Variants in PPP2R5E observed in about 807,000 individuals in gnomAD.
The protein encoded by PPP2R5E is protein phosphatase 2 regulatory subunit B'epsilon, also known as serine/threonine-protein phosphatase 2A 56 kDa regulatory subunit epsilon isoform.
A neutral mutation model predicts 65.3 loss-of-function variants in PPP2R5E; 4 were observed. That is an observed-to-expected ratio of 0.06 (90% CI 0.03 to 0.14). The LOEUF (loss-of-function observed/expected upper bound fraction) is 0.14, where lower values mean the gene tolerates loss of function less well. PPP2R5E is among the 10% of genes least tolerant of loss of function. The pLI is 1.00. For missense variants in PPP2R5E, 274 were observed against 556.1 expected, an observed-to-expected ratio of 0.49 and a Z score of 5.10; for synonymous variants, 183 against 187.4, an observed-to-expected ratio of 0.98 and a Z score of 0.19.
At chr14:63,397,921 G>T (rs927670637) in intron 5 of PPP2R5E, among the ~76,000 whole-genome samples, 3 of 152,006 alleles carry the variant, frequency 2.0e-5, no homozygotes, top group African/African-American at 7.3e-5. Flanking sequence ...CAGAGACAGG[G>T]TTTCACCATA....
At chr14:63,474,672 T>G (rs537147880) in intron 2 of PPP2R5E, among the ~76,000 whole-genome samples, 115 of 12,758 alleles carry the variant, frequency 9.0e-3, no homozygotes, top group Admixed American at 0.017. Flanking sequence ...ATACCCCATC[T>G]CAAAAAAAAA....
At chr14:63,508,553 C>A (rs894574392) in intron 2 of PPP2R5E, among the ~76,000 whole-genome samples, 1 of 152,174 alleles carries the variant, frequency 6.6e-6, no homozygotes, top group African/African-American at 2.4e-5. Flanking sequence ...TCTCAATATT[C>A]CCCTTTTTAC....
At chr14:63,542,300 T>C (rs1893933228) in intron 1 of PPP2R5E, among the ~76,000 whole-genome samples, 1 of 152,106 alleles carries the variant, frequency 6.6e-6, no homozygotes, top group African/African-American at 2.4e-5. Context: ...CGAAGCTTTA[T>C]CATCCTCTAA....
chr14:63,414,107 C>T (rs758089172), intron 5 of PPP2R5E, among the ~76,000 whole-genome samples: 36 of 152,126 alleles, frequency 2.4e-4, no homozygotes, highest in Non-Finnish European at 1.0e-4. Flanking sequence ...GGATTGAACC[C>T]TATGAAACTG....
At chr14:63,387,985 C>A (rs1884772246) in intron 11 of PPP2R5E, among the ~76,000 whole-genome samples, 1 of 152,214 alleles carries the variant, frequency 6.6e-6, no homozygotes, top group Admixed American at 6.5e-5. Context: ...AAACTTCTGG[C>A]CTCCAGGGCT....
rs151202298 is a variant in PPP2R5E, at chr14:63,459,229, C to T, written c.158-5344G>A. Among the ~76,000 whole-genome samples the T allele has an allele frequency of 9.4e-3, 1,433 of 152,298 alleles. 30 individuals are homozygous for T. Among genetic ancestry groups the T allele is most frequent in the African/African-American group, 0.033 (1,379 of 41,550 alleles). ...GATAGACTGAAGCTAGGTACACTAG[C>T]ATATGCGGTAAAATGCCTAATTACC... is the stretch of plus-strand genomic sequence containing the variant. On this transcript the variant is annotated intron_variant, in intron 2 of 13. Coordinates refer to ENST00000337537, the MANE Select transcript of PPP2R5E (RefSeq NM_006246.5).
At position 63,486,266 on chromosome 14, in the gene PPP2R5E, C is replaced by T. The variant is rs113879326; in HGVS notation, c.158-32381G>A. Among the ~76,000 whole-genome samples the T allele has an allele frequency of 1.8e-3, 271 of 149,572 alleles. 2 individuals carry two copies. The highest frequency in any genetic ancestry group is 6.3e-3 in the African/African-American group (254 of 40,002). On this transcript the variant is annotated intron_variant, in intron 2 of 13. Transcript: ENST00000337537. The stretch of plus-strand genomic sequence containing the variant: ...TCCCCTCTCCTGATTTCTCCTCCCC[C>T]GACCCCACCCATCTTTCTTTCCCCA...
intron 2 of PPP2R5E, among the ~76,000 whole-genome samples, chr14:63,476,143 CA>C (rs1301352383): frequency 2.6e-5 from 4 of 152,168 alleles, no homozygotes; most frequent in African/African-American, 9.6e-5. Context: ...ATTCCACAAA[CA>C]ATGCCCTCAC....
chr14:63,491,530 T>C (rs1891285677), intron 2 of PPP2R5E, among the ~76,000 whole-genome samples: 2 of 152,126 alleles, frequency 1.3e-5, no homozygotes, highest in Non-Finnish European at 2.9e-5. Context: ...TTAGATATAC[T>C]GAGTTAAAGA....
intron 2 of PPP2R5E, among the ~76,000 whole-genome samples, chr14:63,466,285 A>AC (rs1566723803): frequency 1.3e-5 from 2 of 151,322 alleles, no homozygotes; most frequent in African/African-American, 4.9e-5. Context: ...AAAAAAAAAA[A>AC]ACAACAACAA....
At chr14:63,445,083 C>G (rs1888408370) in intron 3 of PPP2R5E, among the ~76,000 whole-genome samples, 1 of 152,140 alleles carries the variant, frequency 6.6e-6, no homozygotes, top group African/African-American at 2.4e-5. Context: ...ACAGAAGAAA[C>G]TGAGGCTTAG....
At chr14:63,456,436 T>C (rs1336537681) in intron 2 of PPP2R5E, among the ~76,000 whole-genome samples, 3 of 152,232 alleles carry the variant, frequency 2.0e-5, no homozygotes, top group Non-Finnish European at 4.4e-5. Context: ...CATAGACAAA[T>C]GTGAAACAGG....
At chr14:63,461,640 T>A (rs1452871478) in intron 2 of PPP2R5E, among the ~76,000 whole-genome samples, 243 of 139,800 alleles carry the variant, frequency 1.7e-3, no homozygotes, top group African/African-American at 2.2e-3. Context: ...CTACAAAATT[T>A]AAAAAAAAAA....
At chr14:63,444,439 C>T (rs1888381281) in intron 3 of PPP2R5E, among the ~76,000 whole-genome samples, 1 of 152,148 alleles carries the variant, frequency 6.6e-6, no homozygotes, top group Admixed American at 6.5e-5. Flanking sequence ...ATTCCCTCTA[C>T]CAGATTGTGA....
At chr14:63,451,557 G>A (rs1338195180) in intron 3 of PPP2R5E, 2 of 152,336 alleles carry the variant, frequency 1.3e-5, no homozygotes, top group Non-Finnish European at 2.9e-5. Flanking sequence ...GGGAGTTGAA[G>A]GTGGTGGGTG....
intron 2 of PPP2R5E, among the ~76,000 whole-genome samples, chr14:63,531,821 C>T (rs1017456228): frequency 1.3e-5 from 2 of 151,980 alleles, no homozygotes; most frequent in Admixed American, 6.6e-5. Flanking sequence ...GGTGTGGTGG[C>T]GCACACCTGT....
At chr14:63,379,826 C>CTCTCTCTTTTTTTT (rs528081976) in intron 13 of PPP2R5E, among the ~76,000 whole-genome samples, 2 of 100,300 alleles carry the variant, frequency 2.0e-5, no homozygotes, top group African/African-American at 1.0e-4. Flanking sequence ...TATTCTCTCT[C>CTCTCTCTTTTTTTT]TTTTTTTTTT....
At chr14:63,469,281 G>T (rs1003391474) in intron 2 of PPP2R5E, among the ~76,000 whole-genome samples, 8 of 152,080 alleles carry the variant, frequency 5.3e-5, no homozygotes, top group Admixed American at 5.2e-4. Context: ...ACAAAAAAAG[G>T]TACAAGAAGA....
intron 2 of PPP2R5E, among the ~76,000 whole-genome samples, chr14:63,505,091 T>C (rs1892093255): frequency 6.6e-6 from 1 of 152,150 alleles, no homozygotes; most frequent in African/African-American, 2.4e-5. Flanking sequence ...TCCCAGTACT[T>C]TGGGAGGCCG....
Sources: allele counts gnomAD v4.1 joint callset (sites outside exome capture counted in the v4.1 genomes callset), GRCh38; gene constraint gnomAD v4.1.1; transcripts MANE v1.5; gene names NCBI Gene and HGNC (gene_info 2026-07-23, HGNC 2026-07-21).